The following ARHGAP27 variants were observed in gnomAD, a reference collection of about 807,000 sequenced individuals.
The protein encoded by ARHGAP27 is rho GTPase-activating protein 27.
ARHGAP27 carries 53 observed loss-of-function variants against 102.0 expected under a neutral mutation model. The ratio of observed to expected loss-of-function variants is 0.52; its 90% confidence interval spans 0.42 to 0.65. The LOEUF is 0.65. Ranked by LOEUF, ARHGAP27 falls within the 30% of genes least tolerant of loss-of-function variation. The probability of loss-of-function intolerance (pLI) is 0.00; values close to 1 mark genes in which losing one functional copy is unlikely to be tolerated. For synonymous variants in ARHGAP27, 525 were observed against 542.8 expected (o/e 0.97, Z 0.46); for missense variants, 1,117 against 1,256.2 (o/e 0.89, Z 1.68).
rs372242163 is a variant in ARHGAP27, at chr17:45,396,927, C to T, written c.1940G>A (p.Arg647Gln). The change falls in exon 14 of 20, where the codon CGA becomes CAA. Residue 647 changes from arginine (R) to glutamine (Q), a missense_variant. Around this residue, in one of 3 missense-constraint regions of ARHGAP27, gnomAD observed 493 missense variants for 505.5 expected, o/e 0.98. Transcript: ENST00000685559. ...GSWQEKEEDA[R>Q]PNAAAPALGP... ...TGCCTTGCGCACACCTGCATTCGGT[C>T]GCGCGTCCTCCTCTTTCTCCTGCCA... 1.6e-5 allele frequency: 26 copies of T among 1,606,364 alleles called. No individual in the cohort carries two copies. The highest frequency in any genetic ancestry group is 2.2e-5 in the Non-Finnish European group (26 of 1,179,970).
Position 45,396,098 on chromosome 17 carries a change from A to G in ARHGAP27, c.2271T>C (p.Asp757=), listed in dbSNP as rs1446232577. The G allele has an allele frequency of 6.2e-7, 1 of 1,613,058 alleles. No individual in the cohort carries two copies. The highest frequency in any genetic ancestry group is 1.3e-5 in the African/African-American group (1 of 75,036). ...CGTGGACGTCCTCCCAGCGCCCGTC[A>G]TCCAGGTCAAGGCGCTCATCTGTGG... ...KVDHDERLDL[D]DGRWEDVHVI... is the part of the protein sequence containing the mutation. The change falls in exon 18 of 20, where the codon GAT becomes GAC. Residue 757 remains aspartate (D), a synonymous_variant. Transcript: ENST00000685559.
Position 45,429,672 on chromosome 17 carries a change from T to C in ARHGAP27, c.608A>G (p.Glu203Gly). Reference sequence around the variant, plus strand: ...CGGGACGTGCAAGTCCTGGATGACCTCGTAGACGTTCTCTGAGTCGCTGCG... The same window carrying C: ...CGGGACGTGCAAGTCCTGGATGACCCCGTAGACGTTCTCTGAGTCGCTGCG... ...LARSDSENVY[E>G]VIQDLHVPPP... Residue 203 changes from glutamate (E) to glycine (G), a missense_variant, in exon 4 of 20, where the codon GAG becomes GGG. Physicochemically the swap from Glu to Gly is moderately conservative, Grantham distance 98. Coordinates refer to ENST00000685559, the MANE Select transcript of ARHGAP27 (RefSeq NM_001282290.2). 6.3e-7 allele frequency: 1 copy of C among 1,578,378 alleles called. No homozygotes were observed. The highest frequency in any genetic ancestry group is 8.6e-7 in the Non-Finnish European group (1 of 1,161,866).
chr17:45,423,684 T>C (rs2049264525), intron 4 of ARHGAP27, among the ~76,000 whole-genome samples: 1 of 152,204 alleles, frequency 6.6e-6, no homozygotes, highest in Admixed American at 6.5e-5. Context: ...GTAAGCTACC[T>C]GAGGGCAGGA....
At chr17:45,410,084 T>C in intron 4 of ARHGAP27, 1 of 1,036,256 alleles carries the variant, frequency 9.7e-7, no homozygotes, top group Non-Finnish European at 1.4e-6. Context: ...ACCTCTTGGA[T>C]GGGCAGGGCC....
chr17:45,418,431 C>G (rs1463531383), intron 4 of ARHGAP27, among the ~76,000 whole-genome samples: 3 of 151,864 alleles, frequency 2.0e-5, no homozygotes, highest in African/African-American at 7.3e-5. Context: ...GATCGCACCA[C>G]TGCACTCCAG....
intron 10 of ARHGAP27, 125 bp downstream of exon 10, chr17:45,403,904 G>T: frequency 8.7e-7 from 1 of 1,146,460 alleles, no homozygotes; most frequent in South Asian, 1.4e-5. Flanking sequence ...GTGTCTCAGG[G>T]TCCACAGAGG....
intron 12 of ARHGAP27, among the ~76,000 whole-genome samples, chr17:45,398,449 T>A (rs146377712): frequency 6.6e-6 from 1 of 152,122 alleles, no homozygotes; most frequent in African/African-American, 2.4e-5. Context: ...AAACTTCCTA[T>A]GTGAGGCCAG....
chr17:45,429,226 A>T, intron 4 of ARHGAP27: 1 of 442,150 alleles, frequency 2.3e-6, no homozygotes, highest in Non-Finnish European at 3.9e-6. Flanking sequence ...ACACACCTGC[A>T]GTAGGTTATA....
chr17:45,430,025 G>A lies in ARHGAP27; in HGVS notation c.255C>T (p.Pro85=). The change falls in exon 4 of 20, where the codon CCC becomes CCT. Residue 85 remains proline, a synonymous_variant. Transcript: ENST00000685559. This position sits in a 1 kb window ranked among gnomAD's most constrained non-coding sequence, Gnocchi z 4.4. ...CGTAGGCGAGCGGCTCAGGGGCCGC[G>A]GGGCTCGGGTGGGGACCTGGCGGCG... is the stretch of plus-strand genomic sequence containing the variant. ...AAAPPGPHPS[P]AAPEPLAYDY... 1 of 1,219,974 alleles carries A rather than the reference G, an allele frequency of 8.2e-7. No individual in the cohort carries two copies. The allele number at this position is 1,219,974 out of a possible 1,614,324, so 75.6% of individuals were successfully genotyped here.
intron 4 of ARHGAP27, among the ~76,000 whole-genome samples, chr17:45,428,958 A>G (rs1330801296): frequency 2.0e-5 from 3 of 152,116 alleles, no homozygotes; most frequent in Admixed American, 6.5e-5. Context: ...GAAGAGGGGG[A>G]AAAAAACAAC....
At chr17:45,411,351 C>T (rs1245794645) in intron 4 of ARHGAP27, among the ~76,000 whole-genome samples, 1 of 152,106 alleles carries the variant, frequency 6.6e-6, no homozygotes, top group Non-Finnish European at 1.5e-5. Flanking sequence ...CCAGCCCACC[C>T]CTGCTGAAGT....
intron 9 of ARHGAP27, 46 bp downstream of exon 9, chr17:45,404,223 C>G: frequency 6.2e-7 from 1 of 1,612,838 alleles, no homozygotes; most frequent in Non-Finnish European, 8.5e-7. Context: ...ACTGAACCCT[C>G]CTCGCCAGCA....
chr17:45,405,515 C>T (rs577448187), intron 5 of ARHGAP27, among the ~76,000 whole-genome samples, 161 bp downstream of exon 5: 4 of 151,580 alleles, frequency 2.6e-5, no homozygotes, highest in Non-Finnish European at 5.9e-5. Context: ...CCCTGGGGTC[C>T]CTGGGTCTGT....
At chr17:45,411,556 C>T (rs1280944093) in intron 4 of ARHGAP27, among the ~76,000 whole-genome samples, 1 of 152,080 alleles carries the variant, frequency 6.6e-6, no homozygotes, top group East Asian at 1.9e-4. Flanking sequence ...GCACGAGACA[C>T]TTGTAGAGAT....
chr17:45,422,605 G>A (rs548356833), intron 4 of ARHGAP27, among the ~76,000 whole-genome samples: 4 of 152,294 alleles, frequency 2.6e-5, no homozygotes, highest in South Asian at 2.1e-4. Context: ...GGGACACCAC[G>A]TAATGATAGA....
At chr17:45,413,440 C>T (rs547403014) in intron 4 of ARHGAP27, among the ~76,000 whole-genome samples, 3 of 152,244 alleles carry the variant, frequency 2.0e-5, no homozygotes, top group Admixed American at 2.0e-4. Context: ...TCTACTTCAG[C>T]TTCTCGCTGA....
chr17:45,398,465 A>G (rs1223325806), intron 12 of ARHGAP27, among the ~76,000 whole-genome samples: 1 of 152,104 alleles, frequency 6.6e-6, no homozygotes, highest in Admixed American at 6.6e-5. Flanking sequence ...GCCAGGCACG[A>G]TGGCTCATAC....
At position 45,430,753 on chromosome 17, in the gene ARHGAP27, C is replaced by T. The variant is rs553368932; in HGVS notation, c.-18-456G>A. Among the ~76,000 whole-genome samples, 1 of 152,272 alleles carries T rather than the reference C, an allele frequency of 6.6e-6. No individual in the cohort carries two copies. The highest frequency in any genetic ancestry group is 2.1e-4 in the South Asian group (1 of 4,826). ...CGGCTCTGTCCCGCCTGGAAGCCTC[C>T]CGCCCGCAGAGAATCAGCAGAGGGT... On this transcript the variant is annotated intron_variant, in intron 3 of 19. Transcript: ENST00000685559. This position sits in a 1 kb window ranked among gnomAD's most constrained non-coding sequence, Gnocchi z 4.4.
intron 13 of ARHGAP27, 121 bp from the exon 14 acceptor site, chr17:45,397,145 TCCTCTCTTC>T (rs2045849080): frequency 6.8e-7 from 1 of 1,481,148 alleles, no homozygotes; most frequent in South Asian, 1.4e-5. Context: ...CAGCGAAGAG[TCCTCTCTTC>T]CCTTAACCAG....
Sources: allele counts gnomAD v4.1 joint callset (sites outside exome capture counted in the v4.1 genomes callset), GRCh38; gene constraint gnomAD v4.1.1; regional missense constraint gnomAD v4.1.1; non-coding constraint Gnocchi (gnomAD v3.1); transcripts MANE v1.5; gene names NCBI Gene and HGNC (gene_info 2026-07-23, HGNC 2026-07-21).